SKAP2: variants seen among roughly 807,000 people sequenced by gnomAD.
The protein encoded by SKAP2 is src kinase-associated phosphoprotein 2.
A neutral mutation model predicts 54.9 loss-of-function variants in SKAP2; 28 were observed. That is an observed-to-expected ratio of 0.51 (90% CI 0.38 to 0.70). SKAP2 has a LOEUF of 0.70. SKAP2 is among the 30% of genes least tolerant of loss of function. The pLI, the probability that SKAP2 is intolerant of heterozygous loss-of-function variation, is 0.00. For missense variants in SKAP2, 356 were observed against 424.1 expected (o/e 0.84, Z 1.41); for synonymous variants, 137 against 134.3 (o/e 1.02, Z -0.14).
intron 4 of SKAP2, among the ~76,000 whole-genome samples, chr7:26,832,480 T>A (rs973114388): frequency 4.6e-5 from 7 of 152,196 alleles, no homozygotes; most frequent in Admixed American, 3.3e-4. Context: ...AGACTAAGCA[T>A]CAACCTTTCC....
chr7:26,772,251 C>T (rs760541469), intron 4 of SKAP2, among the ~76,000 whole-genome samples: 19 of 151,992 alleles, frequency 1.3e-4, no homozygotes, highest in African/African-American at 2.9e-4. Flanking sequence ...ATTTTAGGTT[C>T]GGGGGTACAT....
intron 4 of SKAP2, among the ~76,000 whole-genome samples, chr7:26,808,529 A>G (rs1025838218): frequency 3.9e-4 from 59 of 152,336 alleles, no homozygotes; most frequent in African/African-American, 1.4e-3. Context: ...TGATGAAAAC[A>G]TTATGAAAAC....
intron 9 of SKAP2, among the ~76,000 whole-genome samples, chr7:26,696,555 C>T (rs1786898875): frequency 6.6e-6 from 1 of 152,142 alleles, no homozygotes; most frequent in Admixed American, 6.5e-5. Flanking sequence ...AGTTTATTAC[C>T]TTAGGAACTG....
intron 4 of SKAP2, among the ~76,000 whole-genome samples, chr7:26,741,268 G>A (rs1444308180): frequency 6.6e-6 from 1 of 151,968 alleles, no homozygotes; most frequent in African/African-American, 2.4e-5. Flanking sequence ...TACAATCCCA[G>A]CACTTTGGGA....
At chr7:26,657,535 A>C in the SKAP2 span, among the ~76,000 whole-genome samples, 1 of 152,210 alleles carries the variant, frequency 6.6e-6, no homozygotes, top group East Asian at 1.9e-4. Context: ...CATGCTGATT[A>C]ATTTAATGTA....
chr7:26,733,107 G>A (rs1787855522), intron 6 of SKAP2, among the ~76,000 whole-genome samples: 1 of 151,532 alleles, frequency 6.6e-6, no homozygotes, highest in Non-Finnish European at 1.5e-5. Flanking sequence ...CTCTGGCCTG[G>A]GCAACAGAGC....
At chr7:26,754,308 A>C (rs9648019) in intron 4 of SKAP2, among the ~76,000 whole-genome samples, 2 of 150,554 alleles carry the variant, frequency 1.3e-5, no homozygotes, top group Non-Finnish European at 2.9e-5. Flanking sequence ...ACGTTGCAGC[A>C]AGCCAAGATC....
chr7:26,719,095 A>C (rs1408396127), intron 9 of SKAP2, among the ~76,000 whole-genome samples: 1 of 152,080 alleles, frequency 6.6e-6, no homozygotes, highest in Non-Finnish European at 1.5e-5. Flanking sequence ...CAGGAGAAAC[A>C]CTTGAGGAGT....
chr7:26,755,833 G>A (rs115943585), intron 4 of SKAP2, among the ~76,000 whole-genome samples: 1,651 of 152,276 alleles, frequency 0.011, 26 homozygotes, highest in African/African-American at 0.037. Context: ...AGAGATACTC[G>A]CATCTCCACT....
downstream of SKAP2, among the ~76,000 whole-genome samples, chr7:26,663,524 A>G (rs561414347): frequency 6.5e-4 from 99 of 152,278 alleles, no homozygotes; most frequent in African/African-American, 2.1e-3. Flanking sequence ...AAACAAATTC[A>G]TATCTCAACA....
intron 1 of SKAP2, among the ~76,000 whole-genome samples, chr7:26,855,783 CAATTTT>C (rs1241278858): frequency 6.6e-6 from 1 of 151,854 alleles, no homozygotes; most frequent in Non-Finnish European, 1.5e-5. Flanking sequence ...AAATACTGTG[CAATTTT>C]AATTTTATTT....
chr7:26,804,766 T>C (rs576864941), intron 4 of SKAP2, among the ~76,000 whole-genome samples: 29 of 151,394 alleles, frequency 1.9e-4, no homozygotes, highest in Non-Finnish European at 8.8e-5. Context: ...GTGCCAATTT[T>C]TAATGCAGGA....
At chr7:26,818,177 A>C (rs1482778877) in intron 4 of SKAP2, among the ~76,000 whole-genome samples, 1 of 152,218 alleles carries the variant, frequency 6.6e-6, no homozygotes, top group South Asian at 2.1e-4. Flanking sequence ...ACGCTACCTG[A>C]CTTCAAACTA....
rs1017050492 is a variant in SKAP2 at position 26,766,335 on chromosome 7, T to C, written c.308-26371A>G. On this transcript the variant is annotated intron_variant, in intron 4 of 12. Transcript: ENST00000345317. The stretch of plus-strand genomic sequence containing the variant: ...CACATTGATTTTGTATCCTGAGACT[T>C]TGTTGAAGTTGCTTATCAGCTTAAG... Among the ~76,000 whole-genome samples the C allele has an allele frequency of 1.2e-4, 18 of 152,324 alleles. No homozygotes were observed. In the Middle Eastern group the frequency reaches 0.01, roughly 86 times the overall value.
chr7:26,764,350 G>A (rs940940913), intron 4 of SKAP2, among the ~76,000 whole-genome samples: 1 of 152,062 alleles, frequency 6.6e-6, no homozygotes, highest in Non-Finnish European at 1.5e-5. Context: ...CATAGATCAG[G>A]AATCAGAAGA....
intron 4 of SKAP2, among the ~76,000 whole-genome samples, chr7:26,743,351 G>A (rs552823856): frequency 6.6e-6 from 1 of 151,942 alleles, no homozygotes; most frequent in African/African-American, 2.4e-5. Flanking sequence ...TAATGTAAAC[G>A]TAAGACTATG....
intron 4 of SKAP2, among the ~76,000 whole-genome samples, chr7:26,837,835 C>G (rs1350764670): frequency 7.2e-6 from 1 of 139,328 alleles, no homozygotes; most frequent in Non-Finnish European, 1.6e-5. Context: ...AGAGTCTTAT[C>G]AACACTCCCT....
At chr7:26,808,570 A>C (rs476098) in intron 4 of SKAP2, among the ~76,000 whole-genome samples, 2 of 151,814 alleles carry the variant, frequency 1.3e-5, no homozygotes, top group Non-Finnish European at 2.9e-5. Context: ...CATTGTGAAT[A>C]TACTTAATGC....
chr7:26,662,475 A>T (rs978374470), downstream of SKAP2, among the ~76,000 whole-genome samples: 1 of 152,130 alleles, frequency 6.6e-6, no homozygotes, highest in Non-Finnish European at 1.5e-5. Context: ...AGGTAAGGTT[A>T]TGTGGGGCTG....
Sources: allele counts gnomAD v4.1 joint callset (sites outside exome capture counted in the v4.1 genomes callset), GRCh38; gene constraint gnomAD v4.1.1; transcripts MANE v1.5; gene names NCBI Gene and HGNC (gene_info 2026-07-23, HGNC 2026-07-21).